The following PRRC2B variants were observed in gnomAD, a reference collection of about 807,000 sequenced individuals.
PRRC2B encodes protein PRRC2B.
In PRRC2B, 68 loss-of-function variants were observed where a neutral mutation model predicts 242.3. That is an observed-to-expected ratio of 0.28 (90% CI 0.23 to 0.34). The LOEUF (loss-of-function observed/expected upper bound fraction) is 0.34, where lower values mean the gene tolerates loss of function less well. Ranked by LOEUF, PRRC2B falls within the 10% of genes least tolerant of loss-of-function variation. PRRC2B has a pLI of 1.00. For synonymous variants in PRRC2B, 1,228 were observed against 1,173.6 expected (o/e 1.05, Z -0.95); for missense variants, 2,835 against 2,954.8 (o/e 0.96, Z 0.94).
upstream of PRRC2B, among the ~76,000 whole-genome samples, chr9:131,391,659 G>C (rs550368780): frequency 1.3e-5 from 2 of 152,314 alleles, no homozygotes; most frequent in Admixed American, 1.3e-4. Flanking sequence ...AGGATTACCT[G>C]AGTGACTCTA....
At chr9:131,469,802 A>G (rs17147892) in intron 13 of PRRC2B, among the ~76,000 whole-genome samples, 2,133 of 152,272 alleles carry the variant, frequency 0.014, 26 homozygotes, top group Middle Eastern at 0.054. Context: ...CTTGATTTTG[A>G]ATAGTTACTG....
intron 1 of PRRC2B, among the ~76,000 whole-genome samples, chr9:131,409,992 T>C (rs1040765591): frequency 2.6e-5 from 4 of 152,202 alleles, no homozygotes; most frequent in African/African-American, 9.7e-5. Flanking sequence ...AAGAAGCCCA[T>C]GTATTTCATG....
chr9:131,480,960 C>T (rs1422261418), intron 19 of PRRC2B, among the ~76,000 whole-genome samples: 6 of 151,752 alleles, frequency 4.0e-5, no homozygotes, highest in Admixed American at 3.9e-4. Flanking sequence ...CACTTGAGAT[C>T]AGGAGTTCAA....
chr9:131,481,689 T>C (rs1943873936), intron 19 of PRRC2B, 37 bp from the exon 20 acceptor site: 1 of 1,508,044 alleles, frequency 6.6e-7, no homozygotes, highest in Non-Finnish European at 9.0e-7. Context: ...GACGGGTTGC[T>C]CTTTGATGCC....
At chr9:131,418,055 T>G (rs372607676) in intron 1 of PRRC2B, among the ~76,000 whole-genome samples, 3 of 152,288 alleles carry the variant, frequency 2.0e-5, no homozygotes, top group South Asian at 2.1e-4. Context: ...CCAGACGCCT[T>G]GAGAAAGGGA....
chr9:131,447,307 A>T (rs1838834830), intron 8 of PRRC2B, 101 bp downstream of exon 8: 1 of 1,433,668 alleles, frequency 7.0e-7, no homozygotes, highest in African/African-American at 1.4e-5. Flanking sequence ...TCTCCTGGAG[A>T]CCACAGAGAA....
In PRRC2B at chr9:131,476,068, C is replaced by G. The variant is rs1334246282; in HGVS notation, c.3939C>G (p.Phe1313Leu). ...RPPRQDKPPRFRRLRQERESL... is the reference protein window; with the variant it reads ...RPPRQDKPPRLRRLRQERESL... ...CACGCCAAGATAAGCCCCCTCGATT[C>G]CGGCGCCTCCGGCAAGAGCGGGAGT... The change falls in exon 16 of 32, where the codon TTC becomes TTG. Residue 1313 changes from phenylalanine (F) to leucine (L), a missense_variant. By Grantham distance (22) the Phe-to-Leu change is conservative. Transcript: ENST00000683519. The G allele has an allele frequency of 6.2e-7, 1 of 1,607,002 alleles. No individual in the cohort carries two copies. Among genetic ancestry groups the G allele is most frequent in the Non-Finnish European group, 8.5e-7 (1 of 1,175,682 alleles).
chr9:131,494,303 G>A lies in PRRC2B; in HGVS notation c.6474-102G>A, dbSNP rs943636996. 8 of 659,170 alleles carry A rather than the reference G, an allele frequency of 1.2e-5. No homozygotes were observed. In the East Asian group the frequency reaches 1.7e-4, roughly 14 times the overall value. 40.8% of individuals were successfully genotyped at this position (659,170 alleles called of 1,614,324 possible). On this transcript the variant is annotated intron_variant, in intron 30 of 31. Coordinates refer to ENST00000683519, the MANE Select transcript of PRRC2B (RefSeq NM_013318.4). The surrounding 1 kb of genome is among the most constrained non-coding windows in gnomAD (Gnocchi z 4.3). The stretch of plus-strand genomic sequence containing the variant: ...CCGTCCCGAGTGAGCGCCTCTGGCC[G>A]CAGGCCCTTCCTTCCTTGTGCCTCC...
chr9:131,440,301 A>G (rs537539466), intron 5 of PRRC2B, among the ~76,000 whole-genome samples: 14 of 152,132 alleles, frequency 9.2e-5, no homozygotes, highest in African/African-American at 3.4e-4. Context: ...GTAAGGTTAG[A>G]ATTTTTTGTT....
chr9:131,449,930 T>A (rs1942857986), intron 9 of PRRC2B, among the ~76,000 whole-genome samples: 1 of 152,240 alleles, frequency 6.6e-6, no homozygotes, highest in Non-Finnish European at 1.5e-5. Flanking sequence ...AGGTTTGTTT[T>A]TTCCCATACG....
intron 1 of PRRC2B, among the ~76,000 whole-genome samples, chr9:131,384,644 T>G (rs1053490073): frequency 1.1e-4 from 16 of 149,584 alleles, no homozygotes; most frequent in Non-Finnish European, 1.6e-4. Context: ...GGTCTTGAAC[T>G]CTTGACCTTG....
intron 5 of PRRC2B, among the ~76,000 whole-genome samples, chr9:131,440,288 T>A (rs1219119095): frequency 1.3e-5 from 2 of 152,180 alleles, no homozygotes; most frequent in African/African-American, 4.8e-5. Flanking sequence ...ATCTTATATT[T>A]CTGTAAGGTT....
chr9:131,488,096 G>T lies in PRRC2B; in HGVS notation c.6225G>T (p.Gln2075His). The T allele has an allele frequency of 6.2e-7, 1 of 1,611,752 alleles. No individual in the cohort carries two copies. Among genetic ancestry groups the T allele is most frequent in the Non-Finnish European group, 8.5e-7 (1 of 1,178,340 alleles). ...ASQMLDSQLP[Q>H]LTMPLPRYGS... ...AGATGTTGGACTCCCAGCTCCCACA[G>T]GTCAGGAATTCAGTCACTCTACCCA... Residue 2075 changes from glutamine to histidine, a missense_variant and splice_region_variant, in exon 28 of 32, where the codon CAG (glutamine) becomes CAT (histidine). Coordinates refer to ENST00000683519, the MANE Select transcript of PRRC2B (RefSeq NM_013318.4).
chr9:131,467,574 T>A lies in PRRC2B; in HGVS notation c.1732T>A (p.Phe578Ile), dbSNP rs778131662. Residue 578 changes from phenylalanine (F) to isoleucine (I), a missense_variant, in exon 13 of 32, where the codon TTC (phenylalanine) becomes ATC (isoleucine). By Grantham distance (21) the Phe-to-Ile change is conservative. Coordinates refer to ENST00000683519, the MANE Select transcript of PRRC2B (RefSeq NM_013318.4). ...GGTATATTCTCTAGGCTCCCCAGAA[T>A]TCCCTGCCCAAGAGACCCCCACCAC... ...GPAVHKGSPEFPAQETPTTFP... is the reference protein window; with the variant it reads ...GPAVHKGSPEIPAQETPTTFP... 1 of 1,606,300 alleles carries A rather than the reference T, an allele frequency of 6.2e-7. No individual in the cohort carries two copies. Among genetic ancestry groups the A allele is most frequent in the Non-Finnish European group, 8.5e-7 (1 of 1,176,160 alleles).
At position 131,447,665 on chromosome 9, in the gene PRRC2B, A is replaced by C; in HGVS notation, c.981A>C (p.Lys327Asn). The change falls in exon 9 of 32, where the codon AAA becomes AAC. Residue 327 changes from lysine to asparagine, a missense_variant. Lys to Asn is a moderately conservative substitution (Grantham distance 94, BLOSUM62 0). Transcript: ENST00000683519. ...RQFQMNDQDG[K>N]ENRLGLSRPL... is the part of the protein sequence containing the mutation. ...CCATCATCTTTTCTTTTATCAGAAA[A>C]GAAAACAGGCTGGGATTGTCTCGCC... 6.3e-7 allele frequency: 1 copy of C among 1,592,872 alleles called. No individual in the cohort carries two copies. The highest frequency in any genetic ancestry group is 8.6e-7 in the Non-Finnish European group (1 of 1,167,228).
At chr9:131,471,613 A>G (rs2131438704) in intron 14 of PRRC2B, among the ~76,000 whole-genome samples, 1 of 152,348 alleles carries the variant, frequency 6.6e-6, no homozygotes, top group African/African-American at 2.4e-5. Context: ...TTGTAGGACA[A>G]AAACAGCCAT....
rs11404767 is a variant in PRRC2B, at chr9:131,481,311, CAAAAAAAAA to C, written c.4901-402_4901-394del. 8.8e-5 allele frequency among the ~76,000 whole-genome samples: 7 copies of C among 79,266 alleles called. No individual in the cohort carries two copies. The South Asian group carries it at 1.5e-3, about 17-fold the overall frequency. The allele number at this position is 79,266 out of a possible 152,430, so 52.0% of individuals were successfully genotyped here. A position where few individuals can be genotyped will look rare whatever the true frequency, so the allele number is the denominator to read the frequency against. Reference sequence around the variant, plus strand: ...GGGCGACAGAGCAAGACTCCGTCTCCAAAAAAAAAAAAAAAAAAAAAGAAAGATATATTT... The same window carrying C: ...GGGCGACAGAGCAAGACTCCGTCTCCAAAAAAAAAAAAGAAAGATATATTT... On this transcript the variant is annotated intron_variant, in intron 19 of 31. Transcript: ENST00000683519.
intron 1 of PRRC2B, among the ~76,000 whole-genome samples, chr9:131,397,706 A>G (rs1837108071): frequency 6.6e-6 from 1 of 151,976 alleles, no homozygotes; most frequent in South Asian, 2.1e-4. Flanking sequence ...AAACCAGAAT[A>G]GGCCAGGTGG....
At chr9:131,410,351 G>T (rs1284786313) in intron 1 of PRRC2B, among the ~76,000 whole-genome samples, 1 of 152,214 alleles carries the variant, frequency 6.6e-6, no homozygotes, top group African/African-American at 2.4e-5. Flanking sequence ...CAGTGCCAGC[G>T]CCAGTTCACA....
Sources: gnomAD v4.1 joint callset for allele counts (sites outside exome capture counted in the v4.1 genomes callset) on GRCh38, gnomAD v4.1.1 for gene constraint, Gnocchi (gnomAD v3.1) non-coding constraint, MANE v1.5 for transcripts, NCBI Gene and HGNC (gene_info 2026-07-23, HGNC 2026-07-21) for gene names.